ROR1: variants seen among roughly 807,000 people sequenced by gnomAD.
The protein encoded by ROR1 is inactive tyrosine-protein kinase transmembrane receptor ROR1.
In ROR1, 19 loss-of-function variants were observed where a neutral mutation model predicts 78.8. That is an observed-to-expected ratio of 0.24 (90% CI 0.17 to 0.35). The LOEUF (loss-of-function observed/expected upper bound fraction) is 0.35, where lower values mean the gene tolerates loss of function less well. ROR1 is among the 10% of genes least tolerant of loss of function. The pLI is 1.00. For missense variants in ROR1, 917 were observed against 1,177.8 expected, an observed-to-expected ratio of 0.78 and a Z score of 3.24; for synonymous variants, 386 against 433.6, an observed-to-expected ratio of 0.89 and a Z score of 1.36.
chr1:63,889,702 T>A (rs1023357325), intron 1 of ROR1, among the ~76,000 whole-genome samples: 2 of 152,190 alleles, frequency 1.3e-5, no homozygotes, highest in African/African-American at 2.4e-5. Flanking sequence ...GGAAGTTCAA[T>A]ATTTAAGGGA....
chr1:63,838,198 C>G (rs597611), intron 1 of ROR1, among the ~76,000 whole-genome samples: 1 of 151,772 alleles, frequency 6.6e-6, no homozygotes, highest in Non-Finnish European at 1.5e-5. Flanking sequence ...TGTTAGTGGT[C>G]TACGTATTTA....
chr1:64,079,639 G>A (rs775160969), intron 4 of ROR1, among the ~76,000 whole-genome samples: 1 of 151,838 alleles, frequency 6.6e-6, no homozygotes, highest in African/African-American at 2.4e-5. Flanking sequence ...CTGCAACCAC[G>A]CCCAGCTAGT....
At chr1:63,909,819 G>A (rs529355589) in intron 1 of ROR1, among the ~76,000 whole-genome samples, 10 of 152,070 alleles carry the variant, frequency 6.6e-5, no homozygotes, top group East Asian at 5.8e-4. Context: ...TTGTTTATTC[G>A]CCTCAGTCTC....
At chr1:63,928,549 A>C (rs961784697) in intron 1 of ROR1, among the ~76,000 whole-genome samples, 9 of 152,206 alleles carry the variant, frequency 5.9e-5, no homozygotes, top group Non-Finnish European at 1.2e-4. Flanking sequence ...AATTATAAAC[A>C]TAGCACACCT....
intron 1 of ROR1, among the ~76,000 whole-genome samples, chr1:63,784,062 T>G (rs1175706764): frequency 6.6e-6 from 1 of 152,216 alleles, no homozygotes; most frequent in Non-Finnish European, 1.5e-5. Flanking sequence ...TGTCTGATGA[T>G]TAAAATTCTC....
At position 64,087,588 on chromosome 1, in the gene ROR1, A is replaced by G. The variant is rs115000173; in HGVS notation, c.482+36872A>G. 1.2e-3 allele frequency among the ~76,000 whole-genome samples: 178 copies of G among 152,154 alleles called. 1 individual carries two copies. The highest frequency in any genetic ancestry group is 4.0e-3 in the African/African-American group (166 of 41,500). ...GCTTAATCTTCATTTACATTCTTCAATCTACACAGAAGTGTATTTATTATT... is the reference window on the plus strand; with the variant it reads ...GCTTAATCTTCATTTACATTCTTCAGTCTACACAGAAGTGTATTTATTATT... On this transcript the variant is annotated intron_variant, in intron 4 of 8. Transcript: ENST00000371079.
chr1:64,170,692 C>T (rs1650212556), intron 8 of ROR1, among the ~76,000 whole-genome samples: 1 of 152,170 alleles, frequency 6.6e-6, no homozygotes, highest in Non-Finnish European at 1.5e-5. Flanking sequence ...AGCTTTTGTT[C>T]TGTTTTCCTT....
chr1:63,819,682 A>C (rs1302498712), intron 1 of ROR1, among the ~76,000 whole-genome samples: 1 of 152,274 alleles, frequency 6.6e-6, no homozygotes, highest in Non-Finnish European at 1.5e-5. Flanking sequence ...TGATTGGAGG[A>C]ATAAAAATTG....
chr1:63,882,466 TAGAAGA>T (rs1645329643), intron 1 of ROR1, among the ~76,000 whole-genome samples: 1 of 152,204 alleles, frequency 6.6e-6, no homozygotes, highest in Non-Finnish European at 1.5e-5. Flanking sequence ...ATCAGATTAA[TAGAAGA>T]CACAATGTTT....
intron 1 of ROR1, among the ~76,000 whole-genome samples, chr1:63,824,881 C>A (rs1038968549): frequency 5.3e-5 from 8 of 152,084 alleles, no homozygotes; most frequent in Non-Finnish European, 4.4e-5. Flanking sequence ...TCTTTCTTTA[C>A]AAACACTGTT....
At chr1:63,933,749 A>T (rs557933298) in intron 1 of ROR1, among the ~76,000 whole-genome samples, 1 of 152,354 alleles carries the variant, frequency 6.6e-6, no homozygotes, top group Non-Finnish European at 1.5e-5. Flanking sequence ...TGAAGTTGGG[A>T]TCTGTAGGCA....
At chr1:63,903,587 C>T (rs1378409527) in intron 1 of ROR1, among the ~76,000 whole-genome samples, 1 of 152,090 alleles carries the variant, frequency 6.6e-6, no homozygotes, top group Non-Finnish European at 1.5e-5. Flanking sequence ...ACCCTCCCAT[C>T]ATTTCCACCT....
chr1:64,053,301 C>G (rs1646848345), intron 4 of ROR1, among the ~76,000 whole-genome samples: 1 of 152,176 alleles, frequency 6.6e-6, no homozygotes, highest in Admixed American at 6.5e-5. Context: ...AACAGGGCTA[C>G]ACAACTCCTG....
intron 1 of ROR1, among the ~76,000 whole-genome samples, chr1:63,857,187 A>AGG (rs1645154466): frequency 6.6e-6 from 1 of 150,796 alleles, no homozygotes; most frequent in Non-Finnish European, 1.5e-5. Context: ...AAATGAGATT[A>AGG]GATATGCATC....
At chr1:64,086,159 A>G (rs1312638642) in intron 4 of ROR1, among the ~76,000 whole-genome samples, 5 of 152,234 alleles carry the variant, frequency 3.3e-5, no homozygotes, top group African/African-American at 1.2e-4. Flanking sequence ...GCTGTGGATC[A>G]GTTCCTTTCA....
At chr1:63,994,399 C>T (rs1047112482) in intron 1 of ROR1, among the ~76,000 whole-genome samples, 6 of 152,174 alleles carry the variant, frequency 3.9e-5, no homozygotes, top group Non-Finnish European at 7.3e-5. Flanking sequence ...ATCAATAACT[C>T]TCACGTGCTT....
chr1:63,867,302 C>T (rs1645222181), intron 1 of ROR1, among the ~76,000 whole-genome samples: 1 of 152,256 alleles, frequency 6.6e-6, no homozygotes, highest in East Asian at 1.9e-4. Flanking sequence ...CAAAACAAAG[C>T]GCTCACGGAG....
chr1:64,178,373 G>A lies in ROR1; in HGVS notation c.2332G>A (p.Val778Met). 1 of 1,614,202 alleles carries A rather than the reference G, an allele frequency of 6.2e-7. No homozygotes were observed. The highest frequency in any genetic ancestry group is 8.5e-7 in the Non-Finnish European group (1 of 1,180,040). ...GACAACCTCCCTCAGTGCCAGCCCA[G>A]TGAGTAATCTCAGTAACCCCAGATA... ...TQTTSLSASP[V>M]SNLSNPRYPN... Residue 778 changes from valine to methionine, a missense_variant, in exon 9 of 9, where the codon GTG becomes ATG. Transcript: ENST00000371079. This position sits in a 1 kb window ranked among gnomAD's most constrained non-coding sequence, Gnocchi z 4.3.
intron 2 of ROR1, among the ~76,000 whole-genome samples, chr1:64,018,128 C>T (rs1646536028): frequency 6.6e-6 from 1 of 152,120 alleles, no homozygotes; most frequent in Non-Finnish European, 1.5e-5. Flanking sequence ...TAGGGTCCTG[C>T]TCACAGGGAT....
Sources: allele counts gnomAD v4.1 joint callset (sites outside exome capture counted in the v4.1 genomes callset), GRCh38; gene constraint gnomAD v4.1.1; non-coding constraint Gnocchi (gnomAD v3.1); transcripts MANE v1.5; gene names NCBI Gene and HGNC (gene_info 2026-07-23, HGNC 2026-07-21).